Variants in CADM1 observed in about 807,000 individuals in gnomAD.
CADM1 encodes the protein cell adhesion molecule 1, also known as TSLC-1.
In CADM1, 15 loss-of-function variants were observed where a neutral mutation model predicts 53.1. The observed-to-expected ratio is 0.28, with a 90% CI of 0.19 to 0.44. CADM1 has a LOEUF of 0.44. CADM1 is among the 20% of genes least tolerant of loss of function. CADM1 has a pLI of 1.00. For missense variants in CADM1, 434 were observed against 611.3 expected (o/e 0.71, Z 3.06); for synonymous variants, 281 against 243.0 (o/e 1.16, Z -1.45).
intron 1 of CADM1, among the ~76,000 whole-genome samples, chr11:115,255,559 CAT>C (rs1942757748): frequency 6.6e-6 from 1 of 152,104 alleles, no homozygotes; most frequent in South Asian, 2.1e-4. Context: ...ATATCACAGT[CAT>C]AAACACAAGA....
chr11:115,178,051 C>T (rs989655613), intron 11 of CADM1, among the ~76,000 whole-genome samples: 4 of 152,196 alleles, frequency 2.6e-5, no homozygotes, highest in African/African-American at 9.7e-5. Flanking sequence ...GATGATTGCC[C>T]ATCCAGACTG....
chr11:115,244,260 G>T (rs1192302833), intron 1 of CADM1, among the ~76,000 whole-genome samples: 1 of 152,184 alleles, frequency 6.6e-6, no homozygotes, highest in Non-Finnish European at 1.5e-5. Flanking sequence ...TGGGGTGGGG[G>T]TGCAGCGGGC....
chr11:115,481,907 C>T lies in CADM1; in HGVS notation c.124+22364G>A, dbSNP rs552861267. Among the ~76,000 whole-genome samples, 16 of 152,282 alleles carry T rather than the reference C, an allele frequency of 1.1e-4. No homozygotes were observed. In the South Asian group the frequency reaches 2.3e-3, roughly 22 times the overall value. On this transcript the variant is annotated intron_variant, in intron 1 of 11. Transcript: ENST00000331581. ...ACCTGAGTCTCTAATCCTCCAGATT[C>T]GTCCTGCACCCTCCCGCTCCCCTCA...
intron 1 of CADM1, among the ~76,000 whole-genome samples, chr11:115,405,006 A>G (rs1181267107): frequency 6.6e-6 from 1 of 152,184 alleles, no homozygotes; most frequent in Non-Finnish European, 1.5e-5. Flanking sequence ...TGTTGTTGTT[A>G]AAGAGTCAGT....
intron 1 of CADM1, among the ~76,000 whole-genome samples, chr11:115,296,880 C>T: frequency 6.6e-6 from 1 of 152,194 alleles, no homozygotes; most frequent in African/African-American, 2.4e-5. Context: ...GAATCACACA[C>T]AGTCCTATAC....
rs73581182 is a variant in CADM1, at chr11:115,464,876, C to G, written c.124+39395G>C. On this transcript the variant is annotated intron_variant, in intron 1 of 11. Coordinates refer to ENST00000331581, the MANE Select transcript of CADM1 (RefSeq NM_001301043.2). ...TGTTGCTCAGTTATTCTAGAACATT[C>G]TATGCCAGTATCAGCATCCTTTATC... is the stretch of plus-strand genomic sequence containing the variant. 5.4e-3 allele frequency among the ~76,000 whole-genome samples: 829 copies of G among 152,300 alleles called. 6 individuals carry two copies. The highest frequency in any genetic ancestry group is 0.019 in the African/African-American group (803 of 41,576).
chr11:115,339,956 T>C (rs1591724278), intron 1 of CADM1: 1 of 152,288 alleles, frequency 6.6e-6, no homozygotes, highest in South Asian at 2.1e-4. Context: ...TTCTAAGTTA[T>C]TCTTTTGTTT....
chr11:115,206,361 G>GTA (rs1284768485), intron 8 of CADM1, among the ~76,000 whole-genome samples: 1 of 152,194 alleles, frequency 6.6e-6, no homozygotes. Context: ...GCTCCGTGTA[G>GTA]GGTAAGCAGG....
chr11:115,242,440 T>C (rs988565642), intron 1 of CADM1, among the ~76,000 whole-genome samples: 8 of 151,882 alleles, frequency 5.3e-5, no homozygotes, highest in South Asian at 2.1e-4. Context: ...TATTCCCAGA[T>C]TGGAGAAAAG....
At chr11:115,460,048 T>C (rs182310359) in intron 1 of CADM1, among the ~76,000 whole-genome samples, 1 of 152,308 alleles carries the variant, frequency 6.6e-6, no homozygotes, top group Admixed American at 6.5e-5. Context: ...TCTGAACACC[T>C]AGCACCCTTT....
At chr11:115,322,936 C>A (rs2135192220) in intron 1 of CADM1, among the ~76,000 whole-genome samples, 1 of 152,194 alleles carries the variant, frequency 6.6e-6, no homozygotes, top group East Asian at 1.9e-4. Context: ...TTTTAATTCT[C>A]CTGGGTATAT....
At chr11:115,247,040 T>C (rs908241490) in intron 1 of CADM1, among the ~76,000 whole-genome samples, 5 of 152,202 alleles carry the variant, frequency 3.3e-5, no homozygotes, top group Admixed American at 6.5e-5. Flanking sequence ...ATATTCTGTA[T>C]ACACGTTCTT....
chr11:115,327,190 C>T (rs1379180179), intron 1 of CADM1, among the ~76,000 whole-genome samples: 1 of 152,122 alleles, frequency 6.6e-6, no homozygotes, highest in Non-Finnish European at 1.5e-5. Context: ...ATTCTCTACT[C>T]CATGACATAA....
intron 1 of CADM1, among the ~76,000 whole-genome samples, chr11:115,495,316 T>C (rs746058955): frequency 1.1e-4 from 16 of 152,176 alleles, no homozygotes; most frequent in Non-Finnish European, 1.9e-4. Flanking sequence ...AATAAATATA[T>C]ACCACATAAC....
intron 1 of CADM1, among the ~76,000 whole-genome samples, chr11:115,271,965 C>T (rs1271860766): frequency 6.6e-6 from 1 of 152,156 alleles, no homozygotes; most frequent in Non-Finnish European, 1.5e-5. Flanking sequence ...AATGGTTCTT[C>T]CTAATCACTC....
intron 2 of CADM1, among the ~76,000 whole-genome samples, chr11:115,238,948 A>C (rs1383301634): frequency 6.6e-6 from 1 of 152,078 alleles, no homozygotes. Flanking sequence ...AAATGCTGTC[A>C]GTTTTCAGCA....
intron 1 of CADM1, among the ~76,000 whole-genome samples, chr11:115,496,815 T>C (rs2135438223): frequency 6.6e-6 from 1 of 152,184 alleles, no homozygotes; most frequent in Middle Eastern, 3.4e-3. Flanking sequence ...GAAAAAAGAC[T>C]CCAAATTTAG....
At chr11:115,409,702 C>G (rs929755310) in intron 1 of CADM1, among the ~76,000 whole-genome samples, 2 of 151,090 alleles carry the variant, frequency 1.3e-5, no homozygotes, top group Non-Finnish European at 2.9e-5. Context: ...ACCCTCAAGA[C>G]GATCTTCCTC....
intron 1 of CADM1, among the ~76,000 whole-genome samples, chr11:115,454,076 A>C (rs557541111): frequency 2.0e-5 from 3 of 152,278 alleles, no homozygotes; most frequent in African/African-American, 7.2e-5. Context: ...AAAACAAAAA[A>C]AAAACAAAGC....
Sources: gnomAD v4.1 joint callset for allele counts (sites outside exome capture counted in the v4.1 genomes callset) on GRCh38, gnomAD v4.1.1 for gene constraint, MANE v1.5 for transcripts, NCBI Gene and HGNC (gene_info 2026-07-23, HGNC 2026-07-21) for gene names.